KDM4C: variants seen among roughly 807,000 people sequenced by gnomAD.
KDM4C encodes the protein lysine-specific demethylase 4C.
In KDM4C, 81 loss-of-function variants were observed where a neutral mutation model predicts 129.3. The observed-to-expected ratio is 0.63, with a 90% CI of 0.52 to 0.75. The LOEUF (loss-of-function observed/expected upper bound fraction) is 0.75. KDM4C is among the 30% of genes least tolerant of loss of function. The probability of loss-of-function intolerance (pLI) is 0.00; values close to 1 mark genes in which losing one functional copy is unlikely to be tolerated. For missense variants in KDM4C, 1,457 were observed against 1,304.0 expected (o/e 1.12, Z -1.81); for synonymous variants, 573 against 456.1 (o/e 1.26, Z -3.26).
At chr9:6,840,534 C>G (rs1305563689) in intron 4 of KDM4C, among the ~76,000 whole-genome samples, 1 of 152,024 alleles carries the variant, frequency 6.6e-6, no homozygotes, top group African/African-American at 2.4e-5. Flanking sequence ...GTAGCTGGGA[C>G]TACAGGCGTC....
chr9:7,002,217 A>G (rs1464431863), intron 12 of KDM4C, among the ~76,000 whole-genome samples: 3 of 152,184 alleles, frequency 2.0e-5, no homozygotes, highest in Non-Finnish European at 4.4e-5. Flanking sequence ...TGAACTCCAT[A>G]AAGGGAAAGG....
At chr9:7,081,819 T>C (rs551389629) in intron 17 of KDM4C, among the ~76,000 whole-genome samples, 1 of 152,126 alleles carries the variant, frequency 6.6e-6, no homozygotes, top group Admixed American at 6.5e-5. Context: ...TGGTAGAAGA[T>C]AGACCAGGTG....
intron 8 of KDM4C, among the ~76,000 whole-genome samples, chr9:6,942,977 C>T (rs951061137): frequency 2.0e-5 from 3 of 152,114 alleles, no homozygotes; most frequent in Non-Finnish European, 4.4e-5. Context: ...ATGACCCTCC[C>T]ACCTTAGCCT....
chr9:7,112,689 T>C (rs1397792483), intron 18 of KDM4C, among the ~76,000 whole-genome samples: 5 of 152,188 alleles, frequency 3.3e-5, no homozygotes, highest in Non-Finnish European at 4.4e-5. Flanking sequence ...AATCTATCCT[T>C]TCAGTTTCCT....
chr9:6,726,390 G>C (rs1355341417), intron 1 of KDM4C: 1 of 152,272 alleles, frequency 6.6e-6, no homozygotes, highest in Non-Finnish European at 1.5e-5. Context: ...TGCTCGCTCA[G>C]TCAGTCCCAC....
chr9:6,777,670 C>T (rs371401472), intron 1 of KDM4C, among the ~76,000 whole-genome samples: 9 of 152,116 alleles, frequency 5.9e-5, no homozygotes, highest in East Asian at 3.9e-4. Flanking sequence ...CTTGCTCTGT[C>T]GCCCAGTCTG....
chr9:6,863,329 A>G (rs1841315375), intron 5 of KDM4C, among the ~76,000 whole-genome samples: 1 of 152,066 alleles, frequency 6.6e-6, no homozygotes, highest in African/African-American at 2.4e-5. Context: ...TTGTGTAGCT[A>G]TGAAGGAATA....
intron 15 of KDM4C, among the ~76,000 whole-genome samples, chr9:7,038,927 C>A (rs1276963859): frequency 5.9e-5 from 9 of 151,832 alleles, no homozygotes; most frequent in African/African-American, 1.2e-4. Flanking sequence ...TTTTTTGTAA[C>A]TGTGGGCTTT....
intron 19 of KDM4C, among the ~76,000 whole-genome samples, chr9:7,136,284 C>T (rs915351766): frequency 2.6e-5 from 4 of 152,226 alleles, no homozygotes; most frequent in East Asian, 3.9e-4. Flanking sequence ...ATAATTCTGC[C>T]GTGAAATTTG....
chr9:7,169,698 G>A (rs940046760), intron 20 of KDM4C, 100 bp from the exon 21 acceptor site: 2 of 928,804 alleles, frequency 2.2e-6, no homozygotes, highest in Admixed American at 5.4e-5. Flanking sequence ...TGTTTGTTCT[G>A]TTTGAGTCCT....
chr9:6,860,792 T>A (rs373188756), intron 5 of KDM4C, among the ~76,000 whole-genome samples: 10 of 152,210 alleles, frequency 6.6e-5, no homozygotes, highest in East Asian at 3.8e-4. Context: ...TTTTAATTCA[T>A]GTTAAAATGA....
intron 12 of KDM4C, among the ~76,000 whole-genome samples, chr9:7,007,019 A>G (rs920043270): frequency 2.0e-5 from 3 of 152,228 alleles, no homozygotes; most frequent in Non-Finnish European, 4.4e-5. Flanking sequence ...AGGTGGCAAT[A>G]TTTTCAACAG....
At chr9:7,037,469 G>A (rs1014670644) in intron 15 of KDM4C, among the ~76,000 whole-genome samples, 3 of 152,202 alleles carry the variant, frequency 2.0e-5, no homozygotes, top group South Asian at 2.1e-4. Flanking sequence ...TCAATGTTGT[G>A]TCAGCATTTT....
intron 12 of KDM4C, among the ~76,000 whole-genome samples, chr9:7,008,371 C>T (rs965714561): frequency 2.0e-5 from 3 of 152,148 alleles, no homozygotes; most frequent in Admixed American, 6.5e-5. Context: ...GACTCCAGAC[C>T]AGCACCCACG....
At chr9:6,934,954 T>C (rs1824487222) in intron 8 of KDM4C, among the ~76,000 whole-genome samples, 1 of 152,108 alleles carries the variant, frequency 6.6e-6, no homozygotes, top group South Asian at 2.1e-4. Flanking sequence ...CACTCAGATT[T>C]TTTTCTTTCA....
chr9:7,029,770 G>T (rs1266667232), intron 15 of KDM4C, among the ~76,000 whole-genome samples: 1 of 152,114 alleles, frequency 6.6e-6, no homozygotes, highest in East Asian at 1.9e-4. Context: ...AATGAGAACT[G>T]CATGTGAAGA....
chr9:7,152,155 G>C (rs1264568650), intron 19 of KDM4C, among the ~76,000 whole-genome samples: 1 of 152,208 alleles, frequency 6.6e-6, no homozygotes, highest in Admixed American at 6.5e-5. Flanking sequence ...TTTATAAATA[G>C]TTTATATGCC....
At chr9:6,754,806 T>C (rs1563929947), upstream of KDM4C, among the ~76,000 whole-genome samples, 2 of 136,960 alleles carry the variant, frequency 1.5e-5, no homozygotes, top group South Asian at 4.5e-4. Context: ...ATCCTAGAAG[T>C]GGAGGCTGTA....
chr9:6,821,567 T>G (rs1251137961), intron 4 of KDM4C, among the ~76,000 whole-genome samples: 1 of 152,160 alleles, frequency 6.6e-6, no homozygotes, highest in Non-Finnish European at 1.5e-5. Context: ...TTGATGGGGT[T>G]GTTTGTTTTT....
Sources: allele counts gnomAD v4.1 joint callset (sites outside exome capture counted in the v4.1 genomes callset), GRCh38; gene constraint gnomAD v4.1.1; transcripts MANE v1.5; gene names NCBI Gene and HGNC (gene_info 2026-07-23, HGNC 2026-07-21).